The following PRRC2C variants were observed in gnomAD, a reference collection of about 807,000 sequenced individuals.
PRRC2C encodes proline rich coiled-coil 2C.
A neutral mutation model predicts 317.2 loss-of-function variants in PRRC2C; 72 were observed. The ratio of observed to expected loss-of-function variants is 0.23; its 90% CI spans 0.19 to 0.28. The LOEUF (loss-of-function observed/expected upper bound fraction) is 0.28, where lower values mean the gene tolerates loss of function less well. Ranked by LOEUF, PRRC2C falls within the 10% of genes least tolerant of loss-of-function variation. The pLI, the probability that PRRC2C is intolerant of heterozygous loss-of-function variation, is 1.00. For synonymous variants in PRRC2C, 1,296 were observed against 1,205.9 expected (o/e 1.07, Z -1.55); for missense variants, 3,074 against 3,459.7 (o/e 0.89, Z 2.80).
chr1:171,532,804 GAAAGAA>G lies in PRRC2C; in HGVS notation c.1719_1724del (p.Lys577_Glu578del). The stretch of plus-strand genomic sequence containing the variant: ...AAAAAGAAAAAGAACTAGAACGGCA[GAAAGAA>G]AAGGAAAAAGAACTACAAAAGATGA... On this transcript the variant is annotated inframe_deletion, in exon 12 of 35. Transcript: ENST00000647382. 2 of 1,574,858 alleles carry G rather than the reference GAAAGAA, an allele frequency of 1.3e-6. No homozygotes were observed. The highest frequency in any genetic ancestry group is 2.4e-5 in the South Asian group (2 of 84,250).
chr1:171,558,932 A>T (rs1420776188), intron 19 of PRRC2C, among the ~76,000 whole-genome samples: 1 of 152,230 alleles, frequency 6.6e-6, no homozygotes, highest in Admixed American at 6.5e-5. Flanking sequence ...TAAGAAAGTA[A>T]AACAGTCTTA....
chr1:171,522,802 C>T (rs1356218293), intron 7 of PRRC2C, among the ~76,000 whole-genome samples: 4 of 151,668 alleles, frequency 2.6e-5, no homozygotes, highest in African/African-American at 9.7e-5. Flanking sequence ...AAAAACATGG[C>T]CCTAAAATTG....
At chr1:171,564,582 C>G (rs991568709) in intron 20 of PRRC2C, among the ~76,000 whole-genome samples, 1 of 152,194 alleles carries the variant, frequency 6.6e-6, no homozygotes. Context: ...TGCTTAACAA[C>G]AGAGATACGT....
Position 171,514,636 on chromosome 1 carries a change from C to T in PRRC2C, c.391C>T (p.Gln131Ter). ...ATGGGCCAGTAACAAGCAAGGTGGG[C>T]AAGGAGATGGTAAGTGGACATTAGT... Reference protein sequence around the residue: ...KSWASNKQGGQGDGIQVNSQF... With the variant: ...KSWASNKQGG The change falls in exon 4 of 35, where the codon CAA (glutamine) becomes TAA (stop). Residue 131 changes from glutamine to a stop codon, truncating the protein, a stop_gained. Transcript: ENST00000647382. LOFTEE classifies it high-confidence loss of function. The T allele has an allele frequency of 6.4e-7, 1 of 1,555,302 alleles. No individual in the cohort carries two copies. Among genetic ancestry groups the T allele is most frequent in the South Asian group, 1.2e-5 (1 of 84,160 alleles).
In PRRC2C at chr1:171,553,276, TA is replaced by T. The variant is rs1337649669; in HGVS notation, c.5127+3037del. Among the ~76,000 whole-genome samples, 69 of 152,256 alleles carry T rather than the reference TA, an allele frequency of 4.5e-4. No homozygotes were observed. The East Asian group carries it at 0.013, about 28-fold the overall frequency. ...AGGTGTTTGTAGTATTCTGTGATGGTAGTTTGTATTTCCGTGGGATTGGTGG... is the reference window on the plus strand; with the variant it reads ...AGGTGTTTGTAGTATTCTGTGATGGTGTTTGTATTTCCGTGGGATTGGTGG... On this transcript the variant is annotated intron_variant, in intron 18 of 34. Transcript: ENST00000647382.
intron 20 of PRRC2C, among the ~76,000 whole-genome samples, chr1:171,564,558 A>G (rs185991718): frequency 1.3e-5 from 2 of 152,350 alleles, no homozygotes; most frequent in African/African-American, 2.4e-5. Context: ...GTATTTTCCA[A>G]TACATTCATG....
chr1:171,558,176 A>C, intron 19 of PRRC2C, 33 bp downstream of exon 19: 1 of 1,575,162 alleles, frequency 6.3e-7, no homozygotes, highest in Non-Finnish European at 8.6e-7. Context: ...GGGGTGGGGA[A>C]TGGCATAGGA....
chr1:171,528,436 C>A (rs1351260857), intron 11 of PRRC2C, among the ~76,000 whole-genome samples: 1 of 151,958 alleles, frequency 6.6e-6, no homozygotes, highest in Non-Finnish European at 1.5e-5. Flanking sequence ...CTACAGATGC[C>A]CGCCACCACG....
At chr1:171,548,068 C>T (rs540356525) in intron 17 of PRRC2C, among the ~76,000 whole-genome samples, 50 of 152,202 alleles carry the variant, frequency 3.3e-4, no homozygotes, top group Middle Eastern at 6.8e-3. Context: ...CAGGTTCAAG[C>T]GATTCTCCTA....
In PRRC2C at chr1:171,532,692, AAGAC is replaced by A; in HGVS notation, c.1608_1611del (p.Asp536GlufsTer33). ...CAGGAGCGAGAGAAGGAGAGGGAAA[AAGAC>A]AGAGAGAGACAGCAGGAAAAGGAGA... On this transcript the variant is annotated frameshift_variant, in exon 12 of 35. Transcript: ENST00000647382. LOFTEE classifies it high-confidence loss of function. The A allele has an allele frequency of 6.4e-7, 1 of 1,551,600 alleles. No individual in the cohort carries two copies. Among genetic ancestry groups the A allele is most frequent in the Non-Finnish European group, 8.7e-7 (1 of 1,147,032 alleles).
intron 1 of PRRC2C, among the ~76,000 whole-genome samples, chr1:171,494,071 G>A (rs563820694): frequency 6.6e-6 from 1 of 152,332 alleles, no homozygotes; most frequent in East Asian, 1.9e-4. Flanking sequence ...AACAAAAACA[G>A]TTTTAAGAGA....
intron 23 of PRRC2C, 45 bp from the exon 24 acceptor site, chr1:171,571,275 G>A (rs1034867432): frequency 3.4e-6 from 4 of 1,170,418 alleles, no homozygotes; most frequent in African/African-American, 1.5e-5. Flanking sequence ...GGCTTTCGTA[G>A]TAGACACATA....
intron 32 of PRRC2C, 57 bp downstream of exon 32, chr1:171,587,808 A>G (rs1650393434): frequency 8.4e-7 from 1 of 1,194,674 alleles, no homozygotes; most frequent in Non-Finnish European, 1.2e-6. Context: ...TATTTGTTAA[A>G]TACTTATCAG....
At position 171,525,825 on chromosome 1, in the gene PRRC2C, T is replaced by C. The variant is rs1674463958; in HGVS notation, c.1200+860T>C. 3.3e-5 allele frequency among the ~76,000 whole-genome samples: 5 copies of C among 152,134 alleles called. No individual in the cohort carries two copies. In the South Asian group the frequency reaches 1.0e-3, roughly 32 times the overall value. ...CTGTTACAAGCAGTGGAAACACATGTAGAGAAGTATGAGAAAACATGGCAC... is the reference window on the plus strand; with the variant it reads ...CTGTTACAAGCAGTGGAAACACATGCAGAGAAGTATGAGAAAACATGGCAC... On this transcript the variant is annotated intron_variant, in intron 10 of 34. Coordinates refer to ENST00000647382, the MANE Select transcript of PRRC2C (RefSeq NM_001387844.1).
Position 171,557,971 on chromosome 1 carries a change from A to G in PRRC2C, c.5859A>G (p.Ser1953=). ...CACTACAGACTACATCTCAGTCTTC[A>G]AAACAACCACCACCATCAATTAGGC... The part of the protein sequence containing the change: ...QNPLQTTSQS[S]KQPPPSIRLP... Residue 1953 remains serine (S), a synonymous_variant, in exon 19 of 35, where the codon TCA becomes TCG. Coordinates refer to ENST00000647382, the MANE Select transcript of PRRC2C (RefSeq NM_001387844.1). 1 of 1,612,930 alleles carries G rather than the reference A, an allele frequency of 6.2e-7. No homozygotes were observed. Among genetic ancestry groups the G allele is most frequent in the Non-Finnish European group, 8.5e-7 (1 of 1,179,580 alleles).
At chr1:171,531,116 AAG>A (rs1253568196) in intron 11 of PRRC2C, among the ~76,000 whole-genome samples, 2 of 152,328 alleles carry the variant, frequency 1.3e-5, no homozygotes, top group East Asian at 3.9e-4. Flanking sequence ...GCTAGCACAA[AAG>A]AGAATATAAT....
At chr1:171,538,088 G>C (rs1274941929) in intron 15 of PRRC2C, among the ~76,000 whole-genome samples, 1 of 152,074 alleles carries the variant, frequency 6.6e-6, no homozygotes, top group Non-Finnish European at 1.5e-5. Flanking sequence ...TTTTAGTAGA[G>C]ACGGGGTTTC....
rs529009463 is a variant in PRRC2C, at chr1:171,554,731, G to A, written c.5128-2509G>A. ...CTCCTTCACTTACGAAGCTTAGTTT[G>A]GCTGCATATGAAATTCTGGGTTGAA... On this transcript the variant is annotated intron_variant, in intron 18 of 34. Transcript: ENST00000647382. Among the ~76,000 whole-genome samples, 4 of 152,292 alleles carry A rather than the reference G, an allele frequency of 2.6e-5. No homozygotes were observed. The East Asian group carries it at 7.7e-4, about 29-fold the overall frequency.
intron 2 of PRRC2C, 91 bp downstream of exon 2, chr1:171,512,291 C>G: frequency 1.1e-6 from 1 of 899,970 alleles, no homozygotes; most frequent in Non-Finnish European, 1.8e-6. Flanking sequence ...TAGGATGTAC[C>G]CAAGTTAATA....
Sources: allele counts gnomAD v4.1 joint callset (sites outside exome capture counted in the v4.1 genomes callset), GRCh38; gene constraint gnomAD v4.1.1; transcripts MANE v1.5; gene names NCBI Gene and HGNC (gene_info 2026-07-23, HGNC 2026-07-21).